The following DPP10 variants were observed in gnomAD, a reference collection of about 807,000 sequenced individuals.
DPP10 encodes the protein dipeptidyl peptidase like 10, also known as inactive dipeptidyl peptidase 10.
A neutral mutation model predicts 120.9 loss-of-function variants in DPP10; 33 were observed. The ratio of observed to expected loss-of-function variants is 0.27; its 90% CI spans 0.21 to 0.37. DPP10 has a LOEUF of 0.37. Ranked by LOEUF, DPP10 falls within the 10% of genes least tolerant of loss-of-function variation. The pLI is 1.00. For missense variants in DPP10, 816 were observed against 942.8 expected (o/e 0.87, Z 1.76); for synonymous variants, 337 against 326.1 (o/e 1.03, Z -0.36).
chr2:115,396,105 G>A lies in DPP10; in HGVS notation c.271+52193G>A, dbSNP rs843402. On this transcript the variant is annotated intron_variant, in intron 3 of 25. Transcript: ENST00000410059. ...CCTGGTCTTCCTGACCCAGACCATT[G>A]GATGTTTAAGATCACATTCCAGGCA... 7.6e-3 allele frequency among the ~76,000 whole-genome samples: 1,152 copies of A among 152,180 alleles called. 19 individuals carry two copies. Among genetic ancestry groups the A allele is most frequent in the African/African-American group, 0.026 (1,084 of 41,540 alleles).
intron 1 of DPP10, among the ~76,000 whole-genome samples, chr2:114,876,166 T>C (rs949113049): frequency 2.0e-5 from 3 of 152,096 alleles, no homozygotes; most frequent in African/African-American, 7.2e-5. Flanking sequence ...TTATATACAC[T>C]CATATTTCTC....
intron 1 of DPP10, among the ~76,000 whole-genome samples, chr2:114,743,242 G>A (rs1678241215): frequency 6.6e-6 from 1 of 152,096 alleles, no homozygotes; most frequent in African/African-American, 2.4e-5. Flanking sequence ...TTATAATTAT[G>A]GTGTTCAAGA....
At chr2:115,192,815 G>C (rs1265655881) in intron 1 of DPP10, among the ~76,000 whole-genome samples, 1 of 151,658 alleles carries the variant, frequency 6.6e-6, no homozygotes, top group Non-Finnish European at 1.5e-5. Context: ...TTTTGTTAAA[G>C]AGCAGGTTAG....
intron 1 of DPP10, among the ~76,000 whole-genome samples, chr2:115,242,920 G>C (rs1320478949): frequency 6.6e-6 from 1 of 151,958 alleles, no homozygotes; most frequent in Non-Finnish European, 1.5e-5. Context: ...GTATTTAATG[G>C]AAAAATTTAT....
intron 7 of DPP10, among the ~76,000 whole-genome samples, chr2:115,715,334 C>A (rs1167777097): frequency 1.7e-5 from 1 of 59,484 alleles, no homozygotes; most frequent in Non-Finnish European, 3.0e-5. Context: ...AGCAAAACTC[C>A]GTCTCAAAAA....
intron 1 of DPP10, among the ~76,000 whole-genome samples, chr2:115,193,588 C>G (rs1156803114): frequency 6.6e-6 from 1 of 152,122 alleles, no homozygotes; most frequent in Admixed American, 6.5e-5. Context: ...AGGTCTTGGT[C>G]TTTGCTATTA....
chr2:114,943,986 G>A (rs1263581281), intron 1 of DPP10, among the ~76,000 whole-genome samples: 1 of 152,102 alleles, frequency 6.6e-6, no homozygotes, highest in Non-Finnish European at 1.5e-5. Context: ...CATTGTGTTA[G>A]TATGTGGTAA....
intron 1 of DPP10, among the ~76,000 whole-genome samples, chr2:114,659,389 C>T (rs1016066030): frequency 6.6e-6 from 1 of 152,056 alleles, no homozygotes; most frequent in Admixed American, 6.6e-5. Flanking sequence ...GACCACCTCA[C>T]TGGGGACTAT....
At chr2:114,705,713 A>C (rs1033813335) in intron 1 of DPP10, among the ~76,000 whole-genome samples, 1 of 152,214 alleles carries the variant, frequency 6.6e-6, no homozygotes, top group South Asian at 2.1e-4. Flanking sequence ...CCATGAGGAC[A>C]AAAAAGGGAG....
intron 1 of DPP10, among the ~76,000 whole-genome samples, chr2:115,163,151 G>A (rs1017696103): frequency 6.6e-6 from 1 of 152,154 alleles, no homozygotes; most frequent in Admixed American, 6.5e-5. Context: ...TAGAGGGAGC[G>A]CACGCGGCTA....
chr2:114,955,363 C>A (rs1048187360), intron 1 of DPP10, among the ~76,000 whole-genome samples: 1 of 152,116 alleles, frequency 6.6e-6, no homozygotes, highest in Admixed American at 6.5e-5. Context: ...TTTGTGCTGA[C>A]CTTTCCTATC....
chr2:114,623,127 T>C (rs1307447760), intron 1 of DPP10, among the ~76,000 whole-genome samples: 1 of 152,134 alleles, frequency 6.6e-6, no homozygotes. Flanking sequence ...TTTCATTCTT[T>C]GCAATAAAGG....
rs573158165 is a variant in DPP10 at position 114,802,951 on chromosome 2, C to T, written c.60+360113C>T. On this transcript the variant is annotated intron_variant, in intron 1 of 25. Transcript: ENST00000410059. Reference sequence around the variant, plus strand: ...TAACCATTGAGGAACTTAACTTTTCCCCTGGATTTTTTTCAGGAGTCACTG... The same window carrying T: ...TAACCATTGAGGAACTTAACTTTTCTCCTGGATTTTTTTCAGGAGTCACTG... Among the ~76,000 whole-genome samples the T allele has an allele frequency of 1.5e-4, 23 of 152,174 alleles. No homozygotes were observed. In the East Asian group the frequency reaches 4.3e-3, roughly 28 times the overall value.
chr2:115,240,554 G>A (rs1204762231), intron 1 of DPP10, among the ~76,000 whole-genome samples: 1 of 152,074 alleles, frequency 6.6e-6, no homozygotes, highest in Non-Finnish European at 1.5e-5. Flanking sequence ...TGGAGAGATT[G>A]CAAAAATTTT....
At chr2:115,788,887 C>T (rs758955022) in intron 17 of DPP10, among the ~76,000 whole-genome samples, 14 of 151,996 alleles carry the variant, frequency 9.2e-5, no homozygotes, top group Non-Finnish European at 1.9e-4. Flanking sequence ...GAGGCCGAGG[C>T]GGGTGGAGAT....
intron 3 of DPP10, among the ~76,000 whole-genome samples, chr2:115,490,997 A>G (rs1310512002): frequency 6.6e-6 from 1 of 152,158 alleles, no homozygotes; most frequent in Non-Finnish European, 1.5e-5. Flanking sequence ...TCACACCTGT[A>G]GTCTCAGCTA....
At chr2:114,786,586 A>C (rs1470756290) in intron 1 of DPP10, among the ~76,000 whole-genome samples, 4 of 152,234 alleles carry the variant, frequency 2.6e-5, no homozygotes, top group African/African-American at 4.8e-5. Flanking sequence ...TTTTACTTTA[A>C]AAAGTCATTG....
At chr2:114,671,830 TA>T (rs923314170) in intron 1 of DPP10, among the ~76,000 whole-genome samples, 2 of 151,866 alleles carry the variant, frequency 1.3e-5, no homozygotes, top group African/African-American at 2.4e-5. Flanking sequence ...TTCTGTTATT[TA>T]AAAAAAATAT....
chr2:115,658,537 C>T (rs2088609845), intron 5 of DPP10, among the ~76,000 whole-genome samples: 1 of 151,968 alleles, frequency 6.6e-6, no homozygotes, highest in Non-Finnish European at 1.5e-5. Context: ...CAATGGTAGG[C>T]ACTGGTTGTT....
Sources: allele counts gnomAD v4.1 joint callset (sites outside exome capture counted in the v4.1 genomes callset), GRCh38; gene constraint gnomAD v4.1.1; transcripts MANE v1.5; gene names NCBI Gene and HGNC (gene_info 2026-07-23, HGNC 2026-07-21).